SGCD: variants seen among roughly 807,000 people sequenced by gnomAD.
SGCD encodes the protein sarcoglycan delta.
A neutral mutation model predicts 36.6 loss-of-function variants in SGCD; 18 were observed. That is an observed-to-expected ratio of 0.49 (90% CI 0.34 to 0.73). SGCD has a LOEUF of 0.73. Among genes scored for constraint, SGCD ranks in the 30% least tolerant of loss-of-function variants. SGCD has a pLI of 0.01. For synonymous variants in SGCD, 133 were observed against 130.6 expected, an observed-to-expected ratio of 1.02 and a Z score of -0.12; for missense variants, 387 against 346.7, an observed-to-expected ratio of 1.12 and a Z score of -0.92.
chr5:156,288,680 A>G (rs1027048698), intron 3 of SGCD, among the ~76,000 whole-genome samples: 1 of 152,116 alleles, frequency 6.6e-6, no homozygotes, highest in Non-Finnish European at 1.5e-5. Flanking sequence ...ATAAATTACA[A>G]ATTTGGGCTT....
intron 1 of SGCD, among the ~76,000 whole-genome samples, chr5:156,046,139 G>A (rs1012976462): frequency 6.6e-6 from 1 of 152,052 alleles, no homozygotes; most frequent in African/African-American, 2.4e-5. Flanking sequence ...CTCCAGTCCA[G>A]CTATAGTCAT....
chr5:156,426,293 C>G (rs1037852391), intron 3 of SGCD, among the ~76,000 whole-genome samples: 11 of 151,990 alleles, frequency 7.2e-5, no homozygotes, highest in Non-Finnish European at 1.6e-4. Context: ...GGTAGTAAGT[C>G]ATTGTGGTTT....
intron 6 of SGCD, among the ~76,000 whole-genome samples, chr5:156,633,580 T>A (rs982706500): frequency 7.9e-5 from 12 of 152,200 alleles, no homozygotes; most frequent in African/African-American, 2.9e-4. Flanking sequence ...TATAATAATA[T>A]CATGTACTAG....
chr5:156,229,300 A>ACATATATATATATATATAT (rs1477607808), intron 3 of SGCD, among the ~76,000 whole-genome samples: 1 of 126,180 alleles, frequency 7.9e-6, no homozygotes, highest in African/African-American at 3.0e-5. Flanking sequence ...ATATATATAT[A>ACATATATATATATATATAT]AAATTAGTTC....
chr5:156,509,952 A>G (rs984737493), intron 4 of SGCD, among the ~76,000 whole-genome samples: 1 of 152,228 alleles, frequency 6.6e-6, no homozygotes, highest in Non-Finnish European at 1.5e-5. Flanking sequence ...GCAAGGCATA[A>G]TGTGAAAGTT....
chr5:156,137,480 G>A (rs535141058), intron 3 of SGCD, among the ~76,000 whole-genome samples: 4 of 152,148 alleles, frequency 2.6e-5, no homozygotes, highest in South Asian at 4.2e-4. Flanking sequence ...TCAAATGGGA[G>A]GCATAAATTT....
the SGCD span, among the ~76,000 whole-genome samples, chr5:155,810,492 A>ATATT: frequency 7.2e-5 from 11 of 152,112 alleles, no homozygotes; most frequent in East Asian, 5.8e-4. Context: ...TACAGTTACC[A>ATATT]TATTTATTTA....
rs563726520 is a variant in SGCD, at chr5:156,059,468, T to G, written c.-281-58410T>G. On this transcript the variant is annotated intron_variant, in intron 1 of 9. Coordinates refer to the SGCD transcript ENST00000517913. ...AAAAGGTGCATTAGAAATCCAAGAT[T>G]GCAACACATATAAGACTCTGTGAGG... Among the ~76,000 whole-genome samples the G allele has an allele frequency of 5.5e-5, 8 of 146,566 alleles. No individual in the cohort carries two copies. In the South Asian group the frequency reaches 1.7e-3, roughly 32 times the overall value.
At chr5:156,737,313 C>T (rs547951332) in intron 7 of SGCD, among the ~76,000 whole-genome samples, 82 of 152,268 alleles carry the variant, frequency 5.4e-4, no homozygotes, top group African/African-American at 1.9e-3. Flanking sequence ...GCAGTGGGAA[C>T]ATCTACTCTG....
At position 155,889,384 on chromosome 5, in the gene SGCD, T is replaced by C. The variant is rs183778585; in HGVS notation, c.-282+18960T>C. On this transcript the variant is annotated intron_variant, in intron 1 of 9. Coordinates refer to the SGCD transcript ENST00000517913. ...TACTCTTGTACTCTAAGAGCTAATGTTTCTATAAAGAAGTTTGGGGCTCCA... is the reference window on the plus strand; with the variant it reads ...TACTCTTGTACTCTAAGAGCTAATGCTTCTATAAAGAAGTTTGGGGCTCCA... 2.8e-3 allele frequency among the ~76,000 whole-genome samples: 419 copies of C among 152,290 alleles called. 2 individuals are homozygous for C. The highest frequency in any genetic ancestry group is 4.3e-3 in the Non-Finnish European group (295 of 68,010).
chr5:155,887,273 A>G lies in SGCD; in HGVS notation c.-282+16849A>G, dbSNP rs547114049. Among the ~76,000 whole-genome samples, 5 of 152,328 alleles carry G rather than the reference A, an allele frequency of 3.3e-5. No homozygotes were observed. In the South Asian group the frequency reaches 1.0e-3, roughly 32 times the overall value. ...CTGCATTTCTGATCAGTCTTCTATT[A>G]GATGATCAATCTTTATGATTTGCTG... On this transcript the variant is annotated intron_variant, in intron 1 of 9. Coordinates refer to the SGCD transcript ENST00000517913.
At chr5:156,185,494 G>GCT (rs1561555357) in intron 3 of SGCD, among the ~76,000 whole-genome samples, 2 of 152,034 alleles carry the variant, frequency 1.3e-5, no homozygotes, top group East Asian at 3.9e-4. Flanking sequence ...GATTACAGAT[G>GCT]TGAGCCACCG....
chr5:156,035,220 A>G (rs954482914), intron 1 of SGCD, among the ~76,000 whole-genome samples: 5 of 152,020 alleles, frequency 3.3e-5, no homozygotes, highest in African/African-American at 1.2e-4. Flanking sequence ...GTGCATTTTA[A>G]AGTTTGGGAT....
At chr5:156,724,378 G>A (rs1755665325) in intron 7 of SGCD, among the ~76,000 whole-genome samples, 1 of 152,214 alleles carries the variant, frequency 6.6e-6, no homozygotes, top group Non-Finnish European at 1.5e-5. Context: ...GCCGAGGCAG[G>A]CAGATCACGA....
the SGCD span, among the ~76,000 whole-genome samples, chr5:155,793,233 A>G: frequency 1.3e-5 from 2 of 152,160 alleles, no homozygotes; most frequent in African/African-American, 4.8e-5. Flanking sequence ...AATGGAAACA[A>G]TAGATGCTGG....
intron 4 of SGCD, among the ~76,000 whole-genome samples, chr5:156,526,755 A>G (rs75653992): frequency 0.022 from 3,346 of 152,322 alleles, 40 homozygotes; most frequent in Non-Finnish European, 0.03. Flanking sequence ...TTTTTTAAAC[A>G]GACACATAAA....
At chr5:156,705,382 A>T (rs1754698199) in intron 7 of SGCD, among the ~76,000 whole-genome samples, 1 of 152,134 alleles carries the variant, frequency 6.6e-6, no homozygotes, top group African/African-American at 2.4e-5. Flanking sequence ...ATCAAGTATG[A>T]GCTAAAGTGG....
intron 1 of SGCD, among the ~76,000 whole-genome samples, chr5:155,909,870 A>G (rs1756595888): frequency 1.3e-5 from 2 of 152,114 alleles, no homozygotes. Context: ...AGAATTCAAG[A>G]TAACATCTTG....
chr5:156,654,790 T>G (rs913776460), intron 7 of SGCD, among the ~76,000 whole-genome samples: 1 of 152,162 alleles, frequency 6.6e-6, no homozygotes, highest in African/African-American at 2.4e-5. Flanking sequence ...GTTATAAAAT[T>G]TATACAGATA....
Sources: allele counts gnomAD v4.1 joint callset (sites outside exome capture counted in the v4.1 genomes callset), GRCh38; gene constraint gnomAD v4.1.1; transcripts MANE v1.5; gene names NCBI Gene and HGNC (gene_info 2026-07-23, HGNC 2026-07-21).